The following TRAPPC9 variants were observed in gnomAD, a reference collection of about 807,000 sequenced individuals.
TRAPPC9 encodes trafficking protein particle complex subunit 9, also known as IKK2 binding protein.
A neutral mutation model predicts 124.0 loss-of-function variants in TRAPPC9; 83 were observed. The observed-to-expected ratio is 0.67, with a 90% CI of 0.56 to 0.80. TRAPPC9 has a LOEUF of 0.80. TRAPPC9 is among the 30% of genes least tolerant of loss of function. The pLI, the probability that TRAPPC9 is intolerant of heterozygous loss-of-function variation, is 0.00. For synonymous variants in TRAPPC9, 638 were observed against 617.5 expected (o/e 1.03, Z -0.49); for missense variants, 1,302 against 1,508.3 (o/e 0.86, Z 2.27).
chr8:139,846,842 T>C (rs1434177090), intron 21 of TRAPPC9, among the ~76,000 whole-genome samples: 3 of 152,194 alleles, frequency 2.0e-5, no homozygotes, highest in Admixed American at 6.5e-5. Flanking sequence ...CAGGCGCAGG[T>C]AGTAGGCTAA....
At chr8:140,062,824 T>C (rs953903685) in intron 17 of TRAPPC9, among the ~76,000 whole-genome samples, 4 of 152,106 alleles carry the variant, frequency 2.6e-5, no homozygotes, top group Admixed American at 2.6e-4. Flanking sequence ...ATCCCCAATT[T>C]GGCCCCAGAG....
In TRAPPC9 at chr8:140,088,935, C is replaced by T. The variant is rs150318944; in HGVS notation, c.2557-64856G>A. 1.9e-3 allele frequency among the ~76,000 whole-genome samples: 285 copies of T among 152,254 alleles called. 1 individual carries two copies. The highest frequency in any genetic ancestry group is 6.5e-3 in the African/African-American group (272 of 41,534). Reference sequence around the variant, plus strand: ...TCTCAGCACACGTAAATGCAGAGGACGGGTCTGTTTGAAGGTTTCTCTAAC... The same window carrying T: ...TCTCAGCACACGTAAATGCAGAGGATGGGTCTGTTTGAAGGTTTCTCTAAC... On this transcript the variant is annotated intron_variant, in intron 17 of 22. Transcript: ENST00000438773.
chr8:140,206,000 A>C (rs147018696), intron 17 of TRAPPC9, among the ~76,000 whole-genome samples: 61 of 152,336 alleles, frequency 4.0e-4, no homozygotes, highest in African/African-American at 1.3e-3. Flanking sequence ...ACATTTTGTC[A>C]GATTTATTCC....
intron 21 of TRAPPC9, among the ~76,000 whole-genome samples, chr8:139,794,684 G>C (rs1261890632): frequency 2.6e-5 from 4 of 152,184 alleles, no homozygotes; most frequent in Non-Finnish European, 2.9e-5. Flanking sequence ...AGCACTGCTG[G>C]GGACCCAGTG....
At chr8:140,295,083 C>T (rs2065770188) in intron 11 of TRAPPC9, among the ~76,000 whole-genome samples, 1 of 152,176 alleles carries the variant, frequency 6.6e-6, no homozygotes, top group Non-Finnish European at 1.5e-5. Flanking sequence ...TGTTGCGGGA[C>T]ACACTGTGCA....
intron 21 of TRAPPC9, among the ~76,000 whole-genome samples, chr8:139,733,401 C>T (rs544864040): frequency 6.6e-5 from 10 of 152,264 alleles, no homozygotes; most frequent in African/African-American, 2.4e-4. Context: ...GTTCAAGTAC[C>T]CAGTTTGTGG....
At chr8:140,206,756 C>CATATATATATATATATATATAT in intron 17 of TRAPPC9, among the ~76,000 whole-genome samples, 1 of 145,896 alleles carries the variant, frequency 6.9e-6, no homozygotes, top group African/African-American at 2.6e-5. Context: ...CATATACATA[C>CATATATATATATATATATATAT]ATATATATAT....
In TRAPPC9 at chr8:139,730,945, C is replaced by T; in HGVS notation, c.*116G>A. ...ACAGGAGGAGAGGGCTGGGAGGGGT[C>T]TGGGGGAGGAGGAGGAGATGGGGCT... is the stretch of plus-strand genomic sequence containing the variant. On this transcript the variant is annotated 3_prime_UTR_variant, in exon 23 of 23. Transcript: ENST00000438773. 8.5e-7 allele frequency: 1 copy of T among 1,179,990 alleles called. No homozygotes were observed. Among genetic ancestry groups the T allele is most frequent in the Non-Finnish European group, 1.2e-6 (1 of 843,192 alleles). 73.1% of individuals were successfully genotyped at this position (1,179,990 alleles called of 1,614,324 possible).
chr8:140,127,914 T>C (rs983110114), intron 17 of TRAPPC9, among the ~76,000 whole-genome samples: 1 of 152,236 alleles, frequency 6.6e-6, no homozygotes, highest in Non-Finnish European at 1.5e-5. Context: ...CCTGAAGTCA[T>C]AAATTCTAAA....
intron 20 of TRAPPC9, chr8:139,904,910 C>T (rs1180450417): frequency 6.6e-6 from 1 of 152,142 alleles, no homozygotes; most frequent in Admixed American, 6.5e-5. Context: ...CGTCATTAGT[C>T]CTATCCCAAA....
At chr8:140,059,224 T>C (rs1365480489) in intron 17 of TRAPPC9, among the ~76,000 whole-genome samples, 1 of 152,206 alleles carries the variant, frequency 6.6e-6, no homozygotes, top group Non-Finnish European at 1.5e-5. Context: ...TAACAGTGTG[T>C]ACTTTCTGTG....
intron 17 of TRAPPC9, among the ~76,000 whole-genome samples, chr8:140,134,485 C>T (rs908716984): frequency 2.6e-5 from 4 of 152,010 alleles, no homozygotes; most frequent in South Asian, 2.1e-4. Flanking sequence ...AGGCTGGTCT[C>T]GAACTCCTGA....
intron 7 of TRAPPC9, among the ~76,000 whole-genome samples, chr8:140,390,740 T>C (rs1371040364): frequency 6.6e-6 from 1 of 152,190 alleles, no homozygotes. Flanking sequence ...CAAGGTGCAA[T>C]ATACCAGACT....
chr8:139,863,700 G>A (rs567510938), intron 21 of TRAPPC9, among the ~76,000 whole-genome samples: 1 of 152,370 alleles, frequency 6.6e-6, no homozygotes, highest in Admixed American at 6.5e-5. Flanking sequence ...CTCTGAGAAA[G>A]GCTGAGATGC....
chr8:139,788,627 G>A lies in TRAPPC9; in HGVS notation c.3056-56425C>T, dbSNP rs772945195. ...AAGAACGGTACCCACCCCCGCCCCC[G>A]TGTGAGATGCTGGCCCTGGGCACAC... is the stretch of plus-strand genomic sequence containing the variant. On this transcript the variant is annotated intron_variant, in intron 21 of 22. Transcript: ENST00000438773. The surrounding 1 kb of genome is among the most constrained non-coding windows in gnomAD (Gnocchi z 4.9). Among the ~76,000 whole-genome samples the A allele has an allele frequency of 2.8e-4, 42 of 150,666 alleles. No individual in the cohort carries two copies. The highest frequency in any genetic ancestry group is 4.6e-4 in the Non-Finnish European group (31 of 67,530).
intron 21 of TRAPPC9, among the ~76,000 whole-genome samples, chr8:139,770,393 G>A (rs1820881042): frequency 6.6e-6 from 1 of 152,236 alleles, no homozygotes; most frequent in South Asian, 2.1e-4. Flanking sequence ...TTGCAGAGCG[G>A]GGAAGGCTTT....
chr8:139,816,954 G>A (rs1049999823), intron 21 of TRAPPC9, among the ~76,000 whole-genome samples: 62 of 151,932 alleles, frequency 4.1e-4, no homozygotes, highest in African/African-American at 1.5e-3. Context: ...TGCTCCAGAT[G>A]ATATGCATTT....
chr8:140,261,425 T>G lies in TRAPPC9; in HGVS notation c.2279-8496A>C, dbSNP rs116731998. ...GAAGCCCCTGAAAGCTGGGACCAGA[T>G]GAGAGATCAGGCTTCTCTCTATCTG... is the stretch of plus-strand genomic sequence containing the variant. On this transcript the variant is annotated intron_variant, in intron 15 of 22. Coordinates refer to ENST00000438773, the MANE Select transcript of TRAPPC9 (RefSeq NM_001160372.4). Among the ~76,000 whole-genome samples, 130 of 152,306 alleles carry G rather than the reference T, an allele frequency of 8.5e-4. 1 individual carries two copies. The highest frequency in any genetic ancestry group is 3.1e-3 in the African/African-American group (127 of 41,578).
chr8:140,012,115 T>C (rs1040595032), intron 18 of TRAPPC9, among the ~76,000 whole-genome samples: 1 of 152,194 alleles, frequency 6.6e-6, no homozygotes, highest in Non-Finnish European at 1.5e-5. Flanking sequence ...CGGCCAGGCA[T>C]ACATTTTGTA....
Sources: gnomAD v4.1 joint callset for allele counts (sites outside exome capture counted in the v4.1 genomes callset) on GRCh38, gnomAD v4.1.1 for gene constraint, Gnocchi (gnomAD v3.1) non-coding constraint, MANE v1.5 for transcripts, NCBI Gene and HGNC (gene_info 2026-07-23, HGNC 2026-07-21) for gene names.